Variants in PALM2AKAP2 observed in about 807,000 individuals in gnomAD.
PALM2AKAP2 encodes PALM2 and AKAP2 fusion, also known as PALM2-AKAP2 fusion protein.
In PALM2AKAP2, 37 loss-of-function variants were observed where a neutral mutation model predicts 71.5. The ratio of observed to expected loss-of-function variants is 0.52; its 90% CI spans 0.40 to 0.68. The LOEUF (loss-of-function observed/expected upper bound fraction) is 0.68, where lower values mean the gene tolerates loss of function less well. PALM2AKAP2 is among the 30% of genes least tolerant of loss of function. The pLI, the probability that PALM2AKAP2 is intolerant of heterozygous loss-of-function variation, is 0.00. For missense variants in PALM2AKAP2, 1,224 were observed against 1,191.8 expected (o/e 1.03, Z -0.40); for synonymous variants, 468 against 478.8 (o/e 0.98, Z 0.29).
chr9:110,003,108 T>C (rs1832712007), intron 6 of PALM2AKAP2, among the ~76,000 whole-genome samples: 1 of 152,232 alleles, frequency 6.6e-6, no homozygotes, highest in African/African-American at 2.4e-5. Flanking sequence ...TCTCTAGTTC[T>C]TTTAATTGTG....
chr9:109,867,087 T>G (rs1321632457), intron 1 of PALM2AKAP2: 2 of 456,982 alleles, frequency 4.4e-6, no homozygotes, highest in East Asian at 1.4e-4. Context: ...ATTTGCAGTT[T>G]GTAAGAACCT....
At chr9:110,120,579 T>G in intron 1 of PALM2AKAP2, among the ~76,000 whole-genome samples, 1 of 152,222 alleles carries the variant, frequency 6.6e-6, no homozygotes, top group East Asian at 1.9e-4. Flanking sequence ...CTCGGCTCAC[T>G]GCAACCTCTG....
At chr9:109,965,928 G>T (rs747699091) in intron 6 of PALM2AKAP2, among the ~76,000 whole-genome samples, 1 of 152,130 alleles carries the variant, frequency 6.6e-6, no homozygotes, top group Non-Finnish European at 1.5e-5. Context: ...GATGGAGTTT[G>T]TAGGACCAGG....
chr9:109,923,864 A>G lies in PALM2AKAP2; in HGVS notation c.372+15A>G. 3 of 1,562,132 alleles carry G rather than the reference A, an allele frequency of 1.9e-6. No individual in the cohort carries two copies. Among genetic ancestry groups the G allele is most frequent in the Middle Eastern group, 1.7e-4 (1 of 5,942 alleles). On this transcript the variant is annotated intron_variant, in intron 4 of 9. Transcript: ENST00000302798. ...ACTTTCAGAAGGTGAAGAAAACCAA[A>G]ACGATTTCTCAAAGTTATTTCCATG...
exon 2 of PALM2AKAP2, chr9:110,138,096 C>T (rs755031122): frequency 6.2e-7 from 1 of 1,614,146 alleles, no homozygotes; most frequent in South Asian, 1.1e-5. Flanking sequence ...TCAGAAAAGC[C>T]TCAGAGCATG....
chr9:109,711,553 T>A (rs1828237508), intron 1 of PALM2AKAP2, among the ~76,000 whole-genome samples: 1 of 152,186 alleles, frequency 6.6e-6, no homozygotes, highest in Non-Finnish European at 1.5e-5. Flanking sequence ...GGTTAGTGAG[T>A]CTGAGTTGAA....
At chr9:109,887,008 G>C (rs996662019) in intron 3 of PALM2AKAP2, among the ~76,000 whole-genome samples, 12 of 152,210 alleles carry the variant, frequency 7.9e-5, no homozygotes, top group Admixed American at 7.2e-4. Context: ...AATCAGGATA[G>C]AAGTGTACTT....
chr9:109,644,128 A>G (rs1249719604), intron 1 of PALM2AKAP2, among the ~76,000 whole-genome samples: 1 of 152,164 alleles, frequency 6.6e-6, no homozygotes, highest in Admixed American at 6.5e-5. Context: ...CCCCATGTAC[A>G]ACACTGGGGA....
At chr9:110,117,664 G>A (rs496709) in intron 1 of PALM2AKAP2, among the ~76,000 whole-genome samples, 122,970 of 152,118 alleles carry the variant, frequency 0.81, 49,892 homozygotes, top group East Asian at 0.97. Context: ...AGAGCATACA[G>A]CCTGTGAGAG....
chr9:110,133,838 T>C (rs1403573169), intron 1 of PALM2AKAP2, among the ~76,000 whole-genome samples: 1 of 152,240 alleles, frequency 6.6e-6, no homozygotes, highest in African/African-American at 2.4e-5. Context: ...ATTTCAATAA[T>C]AATTTTCCAT....
intron 2 of PALM2AKAP2, among the ~76,000 whole-genome samples, chr9:109,868,703 A>G (rs759173890): frequency 4.6e-5 from 7 of 152,188 alleles, no homozygotes; most frequent in African/African-American, 1.4e-4. Context: ...AGTTTTTGCC[A>G]TTTACCTTAA....
chr9:109,758,317 G>A (rs1001026479), intron 1 of PALM2AKAP2, among the ~76,000 whole-genome samples: 1 of 152,044 alleles, frequency 6.6e-6, no homozygotes, highest in Non-Finnish European at 1.5e-5. Flanking sequence ...GAATAATGTT[G>A]TTCTCATATC....
rs141030774 is a variant in PALM2AKAP2, at chr9:109,920,079, C to A, written c.258-3656C>A. On this transcript the variant is annotated intron_variant, in intron 3 of 9. Transcript: ENST00000302798. Reference sequence around the variant, plus strand: ...CTTTCTGTGGTCCAGGCTGAAGGGGCAGCAGCTGCCCAGATAAGTTATTGT... The same window carrying A: ...CTTTCTGTGGTCCAGGCTGAAGGGGAAGCAGCTGCCCAGATAAGTTATTGT... Among the ~76,000 whole-genome samples, 15 of 152,286 alleles carry A rather than the reference C, an allele frequency of 9.8e-5. No individual in the cohort carries two copies. The East Asian group carries it at 2.7e-3, about 27-fold the overall frequency.
intron 1 of PALM2AKAP2, among the ~76,000 whole-genome samples, chr9:109,780,848 T>A (rs1159516363): frequency 6.6e-6 from 1 of 152,140 alleles, no homozygotes; most frequent in Non-Finnish European, 1.5e-5. Flanking sequence ...TATGACCGAA[T>A]GCTCAGGCAT....
chr9:109,729,362 A>C (rs1026408784), intron 1 of PALM2AKAP2, among the ~76,000 whole-genome samples: 1 of 152,208 alleles, frequency 6.6e-6, no homozygotes, highest in Non-Finnish European at 1.5e-5. Flanking sequence ...CTCTGAAAAC[A>C]TAAGTGCAGG....
At chr9:109,791,729 G>A (rs1240663970) in intron 1 of PALM2AKAP2, among the ~76,000 whole-genome samples, 1 of 152,160 alleles carries the variant, frequency 6.6e-6, no homozygotes, top group African/African-American at 2.4e-5. Flanking sequence ...CCAAGAGAGG[G>A]CAGACTCCTG....
chr9:109,868,874 G>A (rs1025055718), intron 2 of PALM2AKAP2, among the ~76,000 whole-genome samples: 1 of 152,246 alleles, frequency 6.6e-6, no homozygotes, highest in Non-Finnish European at 1.5e-5. Context: ...TCCTGAGGGA[G>A]GATGGAGGGC....
intron 6 of PALM2AKAP2, among the ~76,000 whole-genome samples, chr9:109,994,693 T>A (rs1279049993): frequency 6.6e-6 from 1 of 152,078 alleles, no homozygotes; most frequent in South Asian, 2.1e-4. Flanking sequence ...CATCTCTGTG[T>A]TCTCCATTGC....
At chr9:110,099,627 C>T (rs1192782134) in intron 1 of PALM2AKAP2, among the ~76,000 whole-genome samples, 2 of 152,098 alleles carry the variant, frequency 1.3e-5, no homozygotes, top group Admixed American at 1.3e-4. Context: ...GAATAGGTTG[C>T]CCCCAGGGGG....
Sources: gnomAD v4.1 joint callset for allele counts (sites outside exome capture counted in the v4.1 genomes callset) on GRCh38, gnomAD v4.1.1 for gene constraint, MANE v1.5 for transcripts, NCBI Gene and HGNC (gene_info 2026-07-23, HGNC 2026-07-21) for gene names.